EIF4G3: variants seen among roughly 807,000 people sequenced by gnomAD.
EIF4G3 encodes the protein eukaryotic translation initiation factor 4 gamma 3.
In EIF4G3, 34 loss-of-function variants were observed where a neutral mutation model predicts 186.4. The ratio of observed to expected loss-of-function variants is 0.18; its 90% CI spans 0.14 to 0.24. The LOEUF is 0.24. Ranked by LOEUF, EIF4G3 falls within the 10% of genes least tolerant of loss-of-function variation. The probability of loss-of-function intolerance (pLI) is 1.00; values close to 1 mark genes in which losing one functional copy is unlikely to be tolerated. For missense variants in EIF4G3, 1,536 were observed against 1,948.5 expected, an observed-to-expected ratio of 0.79 and a Z score of 3.99; for synonymous variants, 673 against 679.5, an observed-to-expected ratio of 0.99 and a Z score of 0.15.
rs183870125 is a variant in EIF4G3 at position 20,977,491 on chromosome 1, T to C, written c.493+2843A>G. 8.5e-4 allele frequency among the ~76,000 whole-genome samples: 129 copies of C among 152,318 alleles called. 1 individual carries two copies. The highest frequency in any genetic ancestry group is 2.1e-3 in the African/African-American group (88 of 41,574). On this transcript the variant is annotated intron_variant, in intron 10 of 36. Transcript: ENST00000602326. The stretch of plus-strand genomic sequence containing the variant: ...CATGAGCCACCACACCCGGCCTTTT[T>C]AAATTTTTATCATTAATTTAGTTAC...
chr1:21,068,400 A>G (rs947744101), intron 3 of EIF4G3, among the ~76,000 whole-genome samples: 20 of 140,658 alleles, frequency 1.4e-4, no homozygotes, highest in African/African-American at 4.4e-4. Flanking sequence ...AAAAAAAAAA[A>G]CAGAATACTT....
chr1:21,063,631 A>G (rs936556691), intron 3 of EIF4G3, among the ~76,000 whole-genome samples: 5 of 145,040 alleles, frequency 3.4e-5, no homozygotes, highest in African/African-American at 1.3e-4. Context: ...AACTTGAAGG[A>G]TCACGTTAAA....
At chr1:21,134,281 G>C (rs1184009999) in intron 2 of EIF4G3, among the ~76,000 whole-genome samples, 1 of 152,076 alleles carries the variant, frequency 6.6e-6, no homozygotes, top group African/African-American at 2.4e-5. Flanking sequence ...ATATACACAT[G>C]TCAAAATTGA....
intron 6 of EIF4G3, chr1:20,998,758 G>A (rs993450915): frequency 1.4e-5 from 5 of 346,188 alleles, no homozygotes; most frequent in Non-Finnish European, 2.3e-5. Context: ...ATACTAATAC[G>A]TTAGCTATTG....
At chr1:20,847,130 C>T (rs2154549935) in intron 29 of EIF4G3, among the ~76,000 whole-genome samples, 1 of 152,242 alleles carries the variant, frequency 6.6e-6, no homozygotes, top group Admixed American at 6.5e-5. Flanking sequence ...AGATTTTGAA[C>T]AAGTTGATTT....
At chr1:21,100,408 G>A (rs1353714019) in intron 2 of EIF4G3, among the ~76,000 whole-genome samples, 1 of 152,110 alleles carries the variant, frequency 6.6e-6, no homozygotes, top group South Asian at 2.1e-4. Flanking sequence ...ACCAAAAAAA[G>A]TAAATATTAT....
chr1:21,026,136 C>T (rs932722180), intron 4 of EIF4G3, among the ~76,000 whole-genome samples: 5 of 151,994 alleles, frequency 3.3e-5, no homozygotes, highest in African/African-American at 1.2e-4. Flanking sequence ...CCTCACAATT[C>T]CAGATTTCAA....
At chr1:21,173,359 G>A (rs934403244) in intron 2 of EIF4G3, among the ~76,000 whole-genome samples, 1 of 151,792 alleles carries the variant, frequency 6.6e-6, no homozygotes, top group Non-Finnish European at 1.5e-5. Flanking sequence ...ACCACGCCCG[G>A]CTAATTTTTG....
intron 4 of EIF4G3, among the ~76,000 whole-genome samples, chr1:21,045,735 A>G (rs2093844584): frequency 6.6e-6 from 1 of 152,202 alleles, no homozygotes; most frequent in South Asian, 2.1e-4. Flanking sequence ...AGCAATAAGT[A>G]GGAGTCTCTT....
At chr1:20,905,491 G>T (rs1044150104) in intron 14 of EIF4G3, among the ~76,000 whole-genome samples, 1 of 152,202 alleles carries the variant, frequency 6.6e-6, no homozygotes, top group Admixed American at 6.5e-5. Flanking sequence ...TCATTAGATA[G>T]GCAGCATTTC....
At position 20,941,539 on chromosome 1, in the gene EIF4G3, C is replaced by T. The variant is rs1465800767; in HGVS notation, c.1615G>A (p.Glu539Lys). ...IEVEADGQTEEILDSQNLNSR... is the reference protein window; with the variant it reads ...IEVEADGQTEKILDSQNLNSR... ...TTTAAGTTTTGAGAATCCAAAATCT[C>T]TTCTGTTTGCCCATCTGCTTCTACC... is the stretch of plus-strand genomic sequence containing the variant. Residue 539 changes from glutamate (E) to lysine (K), a missense_variant, in exon 14 of 37, where the codon GAG becomes AAG. Glu to Lys is a moderately conservative substitution (Grantham distance 56). Around this residue, in one of 11 missense-constraint regions of EIF4G3, gnomAD observed 560 missense variants for 547.8 expected, o/e 1.02. Coordinates refer to ENST00000602326, the MANE Select transcript of EIF4G3 (RefSeq NM_001391906.1). The T allele has an allele frequency of 3.1e-6, 5 of 1,612,542 alleles. No individual in the cohort carries two copies. In the African/African-American group the frequency reaches 5.3e-5, roughly 17 times the overall value.
At chr1:21,073,654 TC>T in intron 3 of EIF4G3, 5 of 520,810 alleles carry the variant, frequency 9.6e-6, no homozygotes, top group South Asian at 7.0e-5. Flanking sequence ...TTCGGTGCTT[TC>T]CCAACCTTCT....
intron 4 of EIF4G3, among the ~76,000 whole-genome samples, chr1:21,030,218 G>A (rs904424238): frequency 1.3e-5 from 2 of 152,178 alleles, no homozygotes; most frequent in South Asian, 4.1e-4. Flanking sequence ...GCAGTTCTCA[G>A]CTGATATGGT....
chr1:21,083,096 G>A (rs6690969), intron 3 of EIF4G3, among the ~76,000 whole-genome samples: 4,674 of 146,510 alleles, frequency 0.032, 260 homozygotes, highest in African/African-American at 0.11. Context: ...AGCTGGGCAC[G>A]GTGGCTTGTG....
chr1:20,943,316 G>A (rs1021386957), intron 13 of EIF4G3, among the ~76,000 whole-genome samples: 1 of 152,186 alleles, frequency 6.6e-6, no homozygotes, highest in Non-Finnish European at 1.5e-5. Context: ...GAAATAGTTT[G>A]ATATAATATA....
intron 4 of EIF4G3, among the ~76,000 whole-genome samples, chr1:21,028,880 A>T (rs1000083240): frequency 3.3e-5 from 5 of 152,228 alleles, no homozygotes. Flanking sequence ...GACCAGCTGT[A>T]TTAATAAATC....
chr1:20,820,853 T>A (rs1047841909), intron 33 of EIF4G3, among the ~76,000 whole-genome samples: 2 of 151,900 alleles, frequency 1.3e-5, no homozygotes, highest in African/African-American at 4.8e-5. Context: ...TTCAGAGACC[T>A]GCAGAAATGT....
chr1:21,017,834 G>C (rs1014260555), intron 4 of EIF4G3, among the ~76,000 whole-genome samples: 1 of 151,864 alleles, frequency 6.6e-6, no homozygotes, highest in African/African-American at 2.4e-5. Context: ...AACTCTTCTG[G>C]TCCCAAGCAT....
chr1:21,095,107 T>C (rs2096329642), intron 2 of EIF4G3, among the ~76,000 whole-genome samples: 1 of 152,148 alleles, frequency 6.6e-6, no homozygotes, highest in Non-Finnish European at 1.5e-5. Context: ...TTATGTATAT[T>C]ACTTAACACG....
Sources: allele counts gnomAD v4.1 joint callset (sites outside exome capture counted in the v4.1 genomes callset), GRCh38; gene constraint gnomAD v4.1.1; regional missense constraint gnomAD v4.1.1; transcripts MANE v1.5; gene names NCBI Gene and HGNC (gene_info 2026-07-23, HGNC 2026-07-21).